The following ARHGAP17 variants were observed in gnomAD, a reference collection of about 807,000 sequenced individuals.
The protein encoded by ARHGAP17 is rho GTPase-activating protein 17.
In ARHGAP17, 57 loss-of-function variants were observed where a neutral mutation model predicts 99.5. That is an observed-to-expected ratio of 0.57 (90% confidence interval 0.46 to 0.71). The LOEUF (loss-of-function observed/expected upper bound fraction) is 0.71, where lower values mean the gene tolerates loss of function less well. ARHGAP17 is among the 30% of genes least tolerant of loss of function. ARHGAP17 has a pLI of 0.00. For synonymous variants in ARHGAP17, 417 were observed against 429.6 expected (o/e 0.97, Z 0.36); for missense variants, 1,000 against 1,122.4 (o/e 0.89, Z 1.56).
intron 4 of ARHGAP17, among the ~76,000 whole-genome samples, chr16:24,969,202 G>C (rs1567238730): frequency 6.6e-6 from 1 of 152,144 alleles, no homozygotes; most frequent in South Asian, 2.1e-4. Flanking sequence ...AACACTTAAG[G>C]GCCCTGTTAC....
chr16:25,013,471 A>G (rs1482957316), intron 1 of ARHGAP17, among the ~76,000 whole-genome samples: 25 of 152,062 alleles, frequency 1.6e-4, no homozygotes, highest in Admixed American at 1.6e-3. Context: ...AAAATACAAA[A>G]ATTAGCGGAT....
intron 1 of ARHGAP17, among the ~76,000 whole-genome samples, chr16:24,986,733 C>G: frequency 1.3e-5 from 2 of 152,358 alleles, no homozygotes; most frequent in Middle Eastern, 6.8e-3. Flanking sequence ...ATTAGTAACT[C>G]TTGCAGGATG....
Position 24,931,065 on chromosome 16 carries a change from T to C in ARHGAP17, c.2234A>G (p.His745Arg), listed in dbSNP as rs2050973427. The C allele has an allele frequency of 1.2e-6, 2 of 1,606,558 alleles. No individual in the cohort carries two copies. The highest frequency in any genetic ancestry group is 1.1e-5 in the South Asian group (1 of 89,618). ...PPNPMALPSE[H>R]GLEQPSHTPP... is the part of the protein sequence containing the mutation. ...GGTGTGAGATGGCTGCTCAAGTCCA[T>C]GCTCACTGGGCAATGCCATGGGGTT... is the stretch of plus-strand genomic sequence containing the variant. Residue 745 changes from histidine (H) to arginine (R), a missense_variant, in exon 19 of 20, where the codon CAT becomes CGT. Physicochemically the swap from His to Arg is conservative, Grantham distance 29. Transcript: ENST00000289968.
chr16:24,929,503 G>T, intron 19 of ARHGAP17: 1 of 763,454 alleles, frequency 1.3e-6, no homozygotes, highest in Non-Finnish European at 1.6e-6. Flanking sequence ...ACGGTCAAAC[G>T]GCTGCTCCTG....
rs764091191 is a variant in ARHGAP17 at position 24,968,446 on chromosome 16, C to CA, written c.385-20dup. On this transcript the variant is annotated intron_variant, in intron 5 of 19. Transcript: ENST00000289968. ...TCTCCACCTAAAAATAAGAACATAC[C>CA]AAATGGGATGCACTTCAGGGCTTTT... 1 of 1,613,594 alleles carries CA rather than the reference C, an allele frequency of 6.2e-7. No individual in the cohort carries two copies. The highest frequency in any genetic ancestry group is 1.1e-5 in the South Asian group (1 of 91,078).
intron 19 of ARHGAP17, chr16:24,927,858 T>C (rs2050882905): frequency 3.4e-6 from 1 of 290,076 alleles, no homozygotes; most frequent in African/African-American, 2.2e-5. Context: ...GAGTCACAAT[T>C]AACAGGAGAC....
At chr16:24,986,339 C>A (rs1420112871) in intron 1 of ARHGAP17, among the ~76,000 whole-genome samples, 1 of 151,982 alleles carries the variant, frequency 6.6e-6, no homozygotes, top group Admixed American at 6.5e-5. Flanking sequence ...GGGATTCAAA[C>A]CCAGAGGGCC....
intron 1 of ARHGAP17, among the ~76,000 whole-genome samples, chr16:24,982,506 T>G (rs1433865745): frequency 6.6e-6 from 1 of 152,196 alleles, no homozygotes; most frequent in African/African-American, 2.4e-5. Context: ...AAATCATGAC[T>G]ATGGAGTATA....
intron 18 of ARHGAP17, 137 bp downstream of exon 18, chr16:24,935,333 G>T: frequency 9.3e-7 from 1 of 1,077,150 alleles, no homozygotes; most frequent in Non-Finnish European, 1.3e-6. Context: ...TCTCTTGAAT[G>T]ACTGAATTTT....
At chr16:25,001,810 G>A (rs920749333) in intron 1 of ARHGAP17, among the ~76,000 whole-genome samples, 3 of 152,158 alleles carry the variant, frequency 2.0e-5, no homozygotes, top group African/African-American at 7.2e-5. Flanking sequence ...CAGGCTAGGT[G>A]CAGTGGCTCA....
chr16:24,959,375 C>T (rs898610894), intron 9 of ARHGAP17, among the ~76,000 whole-genome samples: 2 of 152,134 alleles, frequency 1.3e-5, no homozygotes, highest in Non-Finnish European at 2.9e-5. Flanking sequence ...CAATGCTGGA[C>T]TTTTTCAAGC....
chr16:24,925,568 T>C (rs2050818423), intron 19 of ARHGAP17, among the ~76,000 whole-genome samples: 1 of 152,208 alleles, frequency 6.6e-6, no homozygotes, highest in African/African-American at 2.4e-5. Context: ...GGATGTTATC[T>C]TGACACAATT....
chr16:24,990,130 A>G (rs764703592), intron 1 of ARHGAP17, among the ~76,000 whole-genome samples: 3 of 152,232 alleles, frequency 2.0e-5, no homozygotes, highest in Non-Finnish European at 4.4e-5. Context: ...ATAAATATGT[A>G]CAAACATTGC....
In ARHGAP17 at chr16:24,978,983, T is replaced by TATTCTAA. The variant is rs1316812575; in HGVS notation, c.75_76insTTAGAAT (p.Ser26LeufsTer3). On this transcript the variant is annotated frameshift_variant, in exon 2 of 20. Transcript: ENST00000289968. LOFTEE classifies it high-confidence loss of function. ...TTTGTTACCTGTAATAGATCTTCACTAAGGACTTCTGTTTTCTCAGCTCTG... is the reference window on the plus strand; with the variant it reads ...TTTGTTACCTGTAATAGATCTTCACTATTCTAAAAGGACTTCTGTTTTCTCAGCTCTG... The TATTCTAA allele has an allele frequency of 6.3e-7, 1 of 1,592,890 alleles. No individual in the cohort carries two copies. The highest frequency in any genetic ancestry group is 8.5e-7 in the Non-Finnish European group (1 of 1,172,446).
intron 1 of ARHGAP17, among the ~76,000 whole-genome samples, chr16:25,003,147 G>A (rs1385315847): frequency 1.4e-5 from 2 of 148,104 alleles, no homozygotes; most frequent in Non-Finnish European, 3.0e-5. Context: ...GATATTCAAT[G>A]TATAACAAAA....
intron 13 of ARHGAP17, among the ~76,000 whole-genome samples, chr16:24,948,532 A>G (rs1455568791): frequency 6.6e-6 from 1 of 152,120 alleles, no homozygotes; most frequent in Non-Finnish European, 1.5e-5. Flanking sequence ...CAAAATAAAG[A>G]GCCAAACTCT....
intron 19 of ARHGAP17, among the ~76,000 whole-genome samples, chr16:24,928,866 A>G (rs2050908839): frequency 6.6e-6 from 1 of 152,258 alleles, no homozygotes; most frequent in African/African-American, 2.4e-5. Context: ...TAGGATGCAA[A>G]GGAATTTAAA....
At chr16:24,980,399 T>C (rs888996492) in intron 1 of ARHGAP17, among the ~76,000 whole-genome samples, 18 of 152,168 alleles carry the variant, frequency 1.2e-4, no homozygotes, top group Admixed American at 6.5e-5. Context: ...TGCAGGAAAC[T>C]GGAATGCTGA....
At chr16:24,927,190 G>T (rs2050865256) in intron 19 of ARHGAP17, among the ~76,000 whole-genome samples, 1 of 152,206 alleles carries the variant, frequency 6.6e-6, no homozygotes, top group Non-Finnish European at 1.5e-5. Context: ...AGAATTGCTT[G>T]AACCTGGGAG....
Sources: allele counts gnomAD v4.1 joint callset (sites outside exome capture counted in the v4.1 genomes callset), GRCh38; gene constraint gnomAD v4.1.1; transcripts MANE v1.5; gene names NCBI Gene and HGNC (gene_info 2026-07-23, HGNC 2026-07-21).